Variants in CCM2 observed in about 807,000 individuals in gnomAD.
CCM2 encodes the protein cerebral cavernous malformations 2 protein.
CCM2 carries 25 observed loss-of-function variants against 44.9 expected under a neutral mutation model. The ratio of observed to expected loss-of-function variants is 0.56; its 90% CI spans 0.41 to 0.78. The LOEUF is 0.78. Ranked by LOEUF, CCM2 falls within the 30% of genes least tolerant of loss-of-function variation. The pLI is 0.00. For missense variants in CCM2, 481 were observed against 580.6 expected (o/e 0.83, Z 1.76); for synonymous variants, 219 against 241.1 (o/e 0.91, Z 0.85).
At chr7:45,038,494 A>C in intron 2 of CCM2, 68 bp downstream of exon 2, 1 of 1,532,270 alleles carries the variant, frequency 6.5e-7, no homozygotes, top group Non-Finnish European at 9.0e-7. Flanking sequence ...TATCCACCAG[A>C]CACTCTTGAG....
chr7:45,070,691 G>A (rs28407510), intron 6 of CCM2: 14,423 of 251,168 alleles, frequency 0.057, 558 homozygotes, highest in Middle Eastern at 0.13. Context: ...GCTCATGCCT[G>A]TAATCCCAGC....
At chr7:45,073,335 C>T (rs1007950054) in intron 7 of CCM2, 125 bp from the exon 8 acceptor site, 2 of 702,142 alleles carry the variant, frequency 2.8e-6, no homozygotes, top group Non-Finnish European at 5.1e-6. Flanking sequence ...TCATCATCAT[C>T]ATCACTTACA....
intron 2 of CCM2, among the ~76,000 whole-genome samples, chr7:45,052,015 G>A (rs28497645): frequency 0.13 from 20,296 of 152,182 alleles, 1,659 homozygotes; most frequent in Middle Eastern, 0.23. Flanking sequence ...ATTGAATTCC[G>A]TGATCATGTG....
intron 1 of CCM2, among the ~76,000 whole-genome samples, chr7:45,002,842 A>C (rs888747934): frequency 2.0e-5 from 3 of 152,064 alleles, no homozygotes; most frequent in Non-Finnish European, 4.4e-5. Context: ...CCAGGAGCTG[A>C]TGGGGAGATG....
At chr7:45,068,269 A>C (rs7788412) in intron 4 of CCM2, 174 bp from the exon 5 acceptor site, 3 of 771,626 alleles carry the variant, frequency 3.9e-6, no homozygotes. Context: ...TCCCACCCTT[A>C]TTTAGAGAAG....
chr7:45,070,735 G>C (rs981096172), intron 6 of CCM2: 8 of 206,374 alleles, frequency 3.9e-5, no homozygotes, highest in Middle Eastern at 1.7e-3. Flanking sequence ...GATCACCTGA[G>C]GTCGGGAGTT....
chr7:45,051,775 A>T (rs1179517050), intron 2 of CCM2, among the ~76,000 whole-genome samples: 1 of 152,000 alleles, frequency 6.6e-6, no homozygotes, highest in Non-Finnish European at 1.5e-5. Flanking sequence ...GTTAGCCAGG[A>T]TGGTCTCGAT....
intron 2 of CCM2, 85 bp from the exon 3 acceptor site, chr7:45,063,833 C>T (rs1419427861): frequency 6.3e-6 from 6 of 947,430 alleles, no homozygotes; most frequent in South Asian, 3.9e-5. Context: ...GTATGAAGCA[C>T]TTGGTTTGTG....
At chr7:45,027,721 G>A (rs749387943) in intron 1 of CCM2, 5 of 1,613,978 alleles carry the variant, frequency 3.1e-6, no homozygotes, top group South Asian at 1.1e-5. Context: ...AGTAGCTGTC[G>A]GCAGAGGAGG....
At chr7:45,034,358 T>A (rs1165141041) in intron 1 of CCM2, among the ~76,000 whole-genome samples, 3 of 151,578 alleles carry the variant, frequency 2.0e-5, no homozygotes, top group African/African-American at 7.3e-5. Context: ...ATTACAGGCA[T>A]CTGCCACTAC....
Position 45,062,564 on chromosome 7 carries a change from G to A in CCM2, c.205-1354G>A, listed in dbSNP as rs528632653. Among the ~76,000 whole-genome samples, 12 of 152,338 alleles carry A rather than the reference G, an allele frequency of 7.9e-5. No homozygotes were observed. The South Asian group carries it at 2.3e-3, about 29-fold the overall frequency. ...AATAGATATTTCTAGGCTGTGCATG[G>A]TGCCTCACACCTGTAATCCCAGCAC... On this transcript the variant is annotated intron_variant, in intron 2 of 9. Transcript: ENST00000258781.
intron 3 of CCM2, among the ~76,000 whole-genome samples, chr7:45,064,242 C>G (rs957209640): frequency 6.6e-6 from 1 of 152,162 alleles, no homozygotes; most frequent in Non-Finnish European, 1.5e-5. Flanking sequence ...AACCATGTGC[C>G]GTAAGTCTGA....
At chr7:45,066,573 C>T (rs1334874829) in intron 4 of CCM2, among the ~76,000 whole-genome samples, 6 of 152,154 alleles carry the variant, frequency 3.9e-5, no homozygotes, top group African/African-American at 2.4e-5. Flanking sequence ...ACCAAAAGTA[C>T]GCTGGTATTT....
At chr7:45,027,409 G>A in intron 1 of CCM2, 1 of 501,744 alleles carries the variant, frequency 2.0e-6, no homozygotes, top group Non-Finnish European at 3.6e-6. Context: ...TCCTTCTGTT[G>A]ACTGCAGAAT....
intron 2 of CCM2, among the ~76,000 whole-genome samples, chr7:45,060,330 G>GA (rs1798463630): frequency 6.6e-6 from 1 of 152,104 alleles, no homozygotes; most frequent in African/African-American, 2.4e-5. Flanking sequence ...TTTTCCTGTG[G>GA]AAAAAATTCC....
At chr7:45,068,366 C>T (rs13231913) in intron 4 of CCM2, 77 bp from the exon 5 acceptor site, 62,084 of 1,585,950 alleles carry the variant, frequency 0.039, 2,021 homozygotes, top group South Asian at 0.14. Context: ...GTTTCCATGG[C>T]GGCCTCAGCT....
At chr7:45,012,345 C>T (rs1044816763) in intron 1 of CCM2, among the ~76,000 whole-genome samples, 4 of 150,250 alleles carry the variant, frequency 2.7e-5, no homozygotes, top group Non-Finnish European at 5.9e-5. Context: ...TGTTAGCCAG[C>T]CTGGTCTTGA....
intron 1 of CCM2, chr7:45,029,599 C>G (rs1321051736): frequency 6.6e-6 from 1 of 152,230 alleles, no homozygotes; most frequent in African/African-American, 2.4e-5. Context: ...ATTCATTTCT[C>G]CTTGTAAATT....
chr7:45,006,152 G>C (rs1795838314), intron 1 of CCM2, among the ~76,000 whole-genome samples: 1 of 151,468 alleles, frequency 6.6e-6, no homozygotes, highest in Admixed American at 6.6e-5. Context: ...AAAAGCAAAT[G>C]TAAAGAAAAA....
Sources: allele counts gnomAD v4.1 joint callset (sites outside exome capture counted in the v4.1 genomes callset), GRCh38; gene constraint gnomAD v4.1.1; transcripts MANE v1.5; gene names NCBI Gene and HGNC (gene_info 2026-07-23, HGNC 2026-07-21).